The following HS6ST3 variants were observed in gnomAD, a reference collection of about 807,000 sequenced individuals.
HS6ST3 encodes heparan sulfate 6-O-sulfotransferase 3.
In HS6ST3, 12 loss-of-function variants were observed where a neutral mutation model predicts 36.7. The ratio of observed to expected loss-of-function variants is 0.33; its 90% CI spans 0.21 to 0.53. The LOEUF (loss-of-function observed/expected upper bound fraction) is 0.53. HS6ST3 is among the 20% of genes least tolerant of loss of function. The probability of loss-of-function intolerance (pLI) is 0.95; values close to 1 mark genes in which losing one functional copy is unlikely to be tolerated. For synonymous variants in HS6ST3, 240 were observed against 257.5 expected (o/e 0.93, Z 0.65); for missense variants, 584 against 640.9 (o/e 0.91, Z 0.96).
At chr13:96,215,230 C>T (rs190479078) in intron 1 of HS6ST3, among the ~76,000 whole-genome samples, 16 of 152,256 alleles carry the variant, frequency 1.1e-4, no homozygotes, top group Admixed American at 2.0e-4. Flanking sequence ...GCAATGTTCT[C>T]GAGGAAGCAG....
At chr13:96,156,991 G>T (rs2054113641) in intron 1 of HS6ST3, among the ~76,000 whole-genome samples, 2 of 152,300 alleles carry the variant, frequency 1.3e-5, no homozygotes, top group South Asian at 4.1e-4. Flanking sequence ...GGTCACTCCA[G>T]CATGTGGCAG....
At chr13:96,521,198 G>A (rs2056091947) in intron 1 of HS6ST3, among the ~76,000 whole-genome samples, 1 of 152,214 alleles carries the variant, frequency 6.6e-6, no homozygotes, top group Admixed American at 6.5e-5. Context: ...CAGGGATGAA[G>A]CCAACTTGAT....
At chr13:96,288,605 T>G (rs1432441110) in intron 1 of HS6ST3, among the ~76,000 whole-genome samples, 1 of 152,046 alleles carries the variant, frequency 6.6e-6, no homozygotes, top group African/African-American at 2.4e-5. Flanking sequence ...CAATAAAAAT[T>G]CTAAGCAAAA....
intron 1 of HS6ST3, among the ~76,000 whole-genome samples, chr13:96,221,855 G>A (rs1054504192): frequency 6.6e-6 from 1 of 152,100 alleles, no homozygotes; most frequent in African/African-American, 2.4e-5. Context: ...CCTTACATTA[G>A]GTCATTTGTC....
intron 1 of HS6ST3, among the ~76,000 whole-genome samples, chr13:96,671,177 T>A (rs2056681389): frequency 6.6e-6 from 1 of 152,122 alleles, no homozygotes; most frequent in African/African-American, 2.4e-5. Flanking sequence ...AGCCAGCTAG[T>A]TCTCCTCATT....
At chr13:96,402,588 C>T (rs1566350557) in intron 1 of HS6ST3, among the ~76,000 whole-genome samples, 1 of 152,146 alleles carries the variant, frequency 6.6e-6, no homozygotes, top group African/African-American at 2.4e-5. Context: ...ATACACTGTC[C>T]CCAGAGAAAA....
At chr13:96,728,429 C>G (rs890817107) in intron 1 of HS6ST3, among the ~76,000 whole-genome samples, 29 of 152,276 alleles carry the variant, frequency 1.9e-4, no homozygotes, top group African/African-American at 7.0e-4. Flanking sequence ...AGATACTCTA[C>G]AGTTGAGATT....
intron 1 of HS6ST3, among the ~76,000 whole-genome samples, chr13:96,113,897 G>A (rs1242029257): frequency 6.6e-6 from 1 of 152,058 alleles, no homozygotes; most frequent in Non-Finnish European, 1.5e-5. Flanking sequence ...GGATAGTAGG[G>A]GAATGGTTAA....
chr13:96,598,840 T>C (rs2138980748), intron 1 of HS6ST3, among the ~76,000 whole-genome samples: 1 of 152,252 alleles, frequency 6.6e-6, no homozygotes, highest in Middle Eastern at 3.4e-3. Flanking sequence ...TATTGTGAAG[T>C]ATGTTCCTTC....
At chr13:96,095,940 C>T (rs1437381301) in intron 1 of HS6ST3, among the ~76,000 whole-genome samples, 1 of 150,346 alleles carries the variant, frequency 6.7e-6, no homozygotes, top group Non-Finnish European at 1.5e-5. Context: ...GATACAGCTG[C>T]TGGATGGACC....
chr13:96,158,228 G>A (rs2054119257), intron 1 of HS6ST3, among the ~76,000 whole-genome samples: 1 of 152,142 alleles, frequency 6.6e-6, no homozygotes. Flanking sequence ...CTGTGCAGGA[G>A]GAGTGCTAAG....
intron 1 of HS6ST3, among the ~76,000 whole-genome samples, chr13:96,498,425 C>T (rs1361169468): frequency 6.6e-6 from 1 of 152,048 alleles, no homozygotes; most frequent in Admixed American, 6.6e-5. Flanking sequence ...TTTCTGAGTC[C>T]CAGCAGCACT....
intron 1 of HS6ST3, among the ~76,000 whole-genome samples, chr13:96,828,445 C>T (rs115850568): frequency 2.0e-5 from 3 of 152,058 alleles, no homozygotes; most frequent in African/African-American, 7.2e-5. Context: ...TTAGCTTGGA[C>T]AAGTTAAACA....
chr13:96,108,790 C>T (rs1650908705), intron 1 of HS6ST3, among the ~76,000 whole-genome samples: 1 of 152,140 alleles, frequency 6.6e-6, no homozygotes. Context: ...GAAGTAGCCA[C>T]AGGAAGTTAA....
intron 1 of HS6ST3, among the ~76,000 whole-genome samples, chr13:96,290,405 C>A (rs2054823935): frequency 6.6e-6 from 1 of 152,042 alleles, no homozygotes; most frequent in South Asian, 2.1e-4. Context: ...GATAAAAAGG[C>A]CTTTCAAAGA....
chr13:96,093,719 T>C (rs943460413), intron 1 of HS6ST3, among the ~76,000 whole-genome samples: 2 of 152,168 alleles, frequency 1.3e-5, no homozygotes, highest in African/African-American at 2.4e-5. Context: ...TTGTGGCATA[T>C]GTGAAGTGCC....
At chr13:96,487,533 T>C (rs1049001946) in intron 1 of HS6ST3, among the ~76,000 whole-genome samples, 1 of 152,126 alleles carries the variant, frequency 6.6e-6, no homozygotes, top group African/African-American at 2.4e-5. Flanking sequence ...ATAGGGCTGG[T>C]ATCGGGATTG....
intron 1 of HS6ST3, among the ~76,000 whole-genome samples, chr13:96,647,159 T>G (rs2056591562): frequency 6.6e-6 from 1 of 152,010 alleles, no homozygotes; most frequent in African/African-American, 2.4e-5. Context: ...AATCTGCTAC[T>G]AGTATTAATA....
At chr13:96,762,098 G>C (rs17769798) in intron 1 of HS6ST3, among the ~76,000 whole-genome samples, 5,863 of 151,976 alleles carry the variant, frequency 0.039, 134 homozygotes, top group African/African-American at 0.065. Context: ...AAACTAATGA[G>C]ATTAGAACTT....
Sources: gnomAD v4.1 joint callset for allele counts (sites outside exome capture counted in the v4.1 genomes callset) on GRCh38, gnomAD v4.1.1 for gene constraint, MANE v1.5 for transcripts, NCBI Gene and HGNC (gene_info 2026-07-23, HGNC 2026-07-21) for gene names.